Variants in BBS9 observed in about 807,000 individuals in gnomAD.
BBS9 encodes the protein Bardet-Biedl syndrome 9, also known as protein PTHB1.
A neutral mutation model predicts 117.7 loss-of-function variants in BBS9; 89 were observed. The observed-to-expected ratio is 0.76, with a 90% CI of 0.64 to 0.90. The LOEUF (loss-of-function observed/expected upper bound fraction) is 0.90. BBS9 is among the 40% of genes least tolerant of loss of function. BBS9 has a pLI of 0.00. For missense variants in BBS9, 982 were observed against 1,042.2 expected, an observed-to-expected ratio of 0.94 and a Z score of 0.80; for synonymous variants, 379 against 370.9, an observed-to-expected ratio of 1.02 and a Z score of -0.25.
At chr7:33,559,209 G>GAA (rs1855725078) in intron 21 of BBS9, among the ~76,000 whole-genome samples, 1 of 152,184 alleles carries the variant, frequency 6.6e-6, no homozygotes, top group Non-Finnish European at 1.5e-5. Context: ...TGTGCCCGTA[G>GAA]AAGACTAGGA....
chr7:33,542,040 A>G (rs1355511854), intron 21 of BBS9, among the ~76,000 whole-genome samples: 1 of 151,972 alleles, frequency 6.6e-6, no homozygotes, highest in Non-Finnish European at 1.5e-5. Context: ...ATTTATTTAT[A>G]TTTCTGTAAG....
At chr7:33,163,789 A>T (rs1438913139) in intron 4 of BBS9, among the ~76,000 whole-genome samples, 1 of 152,092 alleles carries the variant, frequency 6.6e-6, no homozygotes, top group Admixed American at 6.6e-5. Flanking sequence ...CAGCTCCTGG[A>T]TTCACTGATT....
At chr7:33,162,516 G>T (rs981727630) in intron 4 of BBS9, among the ~76,000 whole-genome samples, 5 of 147,184 alleles carry the variant, frequency 3.4e-5, no homozygotes, top group African/African-American at 7.3e-5. Context: ...TTGAGCAGTG[G>T]TTTGTAGTTC....
intron 19 of BBS9, among the ~76,000 whole-genome samples, chr7:33,481,983 A>T (rs1371031688): frequency 2.0e-5 from 3 of 152,330 alleles, no homozygotes; most frequent in Admixed American, 2.0e-4. Context: ...TAATGTCCAC[A>T]TCTTGAACTA....
At chr7:33,167,262 T>C (rs1227442539) in intron 4 of BBS9, among the ~76,000 whole-genome samples, 3 of 152,168 alleles carry the variant, frequency 2.0e-5, no homozygotes, top group Non-Finnish European at 2.9e-5. Context: ...TTCGTTCACA[T>C]TGTATATATA....
In BBS9 at chr7:33,507,983, G is replaced by C. The variant is rs1402612650; in HGVS notation, c.2298+2338G>C. Among the ~76,000 whole-genome samples the C allele has an allele frequency of 2.0e-5, 3 of 152,170 alleles. No homozygotes were observed. The East Asian group carries it at 5.8e-4, about 29-fold the overall frequency. On this transcript the variant is annotated intron_variant, in intron 20 of 22. Coordinates refer to ENST00000242067, the MANE Select transcript of BBS9 (RefSeq NM_198428.3). ...AATAAAAAATTTAAATTGTTAGTGT[G>C]AATTTTACCATTGGTCTTTGTAATG...
At chr7:33,485,175 A>T (rs1032710295) in intron 19 of BBS9, among the ~76,000 whole-genome samples, 25 of 152,172 alleles carry the variant, frequency 1.6e-4, no homozygotes, top group African/African-American at 5.6e-4. Flanking sequence ...ATCAGGAAGA[A>T]CAGCTAATGG....
At chr7:33,257,757 A>G (rs946969559) in intron 6 of BBS9, among the ~76,000 whole-genome samples, 1 of 152,218 alleles carries the variant, frequency 6.6e-6, no homozygotes, top group Admixed American at 6.5e-5. Context: ...AAAATGCTCA[A>G]TAATTATTGT....
At chr7:33,284,107 G>T (rs891803688) in intron 9 of BBS9, among the ~76,000 whole-genome samples, 8 of 152,124 alleles carry the variant, frequency 5.3e-5, no homozygotes, top group African/African-American at 1.7e-4. Flanking sequence ...TCCCATGCAT[G>T]TCCTTAAATC....
intron 21 of BBS9, among the ~76,000 whole-genome samples, chr7:33,587,310 G>T (rs553227890): frequency 6.6e-6 from 1 of 151,840 alleles, no homozygotes; most frequent in East Asian, 1.9e-4. Context: ...CCTTTTCTTT[G>T]TTCTGTAGTG....
At chr7:33,191,445 A>G (rs868190329) in intron 5 of BBS9, among the ~76,000 whole-genome samples, 1 of 152,160 alleles carries the variant, frequency 6.6e-6, no homozygotes, top group Non-Finnish European at 1.5e-5. Flanking sequence ...TGGGTGGCCA[A>G]AAAACTGTAA....
At chr7:33,441,451 C>T (rs908516415) in intron 19 of BBS9, among the ~76,000 whole-genome samples, 1 of 152,008 alleles carries the variant, frequency 6.6e-6, no homozygotes, top group Non-Finnish European at 1.5e-5. Flanking sequence ...TGTTTTAATT[C>T]ATCTATTCAT....
At chr7:33,273,309 T>A in intron 8 of BBS9, 114 bp downstream of exon 8, 1 of 1,091,070 alleles carries the variant, frequency 9.2e-7, no homozygotes, top group Non-Finnish European at 1.4e-6. Flanking sequence ...AGTTTAATAT[T>A]GAATATGTAA....
rs193075947 is a variant in BBS9, at chr7:33,156,206, T to C, written c.328+504T>C. Among the ~76,000 whole-genome samples the C allele has an allele frequency of 8.2e-4, 125 of 152,318 alleles. 2 individuals carry two copies. The highest frequency in any genetic ancestry group is 4.1e-4 in the Non-Finnish European group (28 of 68,032). Reference sequence around the variant, plus strand: ...TGACATGGTTCTGTGGGTACAAGTATAGTGTGCGGTTTGGTTTTTATTAAA... The same window carrying C: ...TGACATGGTTCTGTGGGTACAAGTACAGTGTGCGGTTTGGTTTTTATTAAA... On this transcript the variant is annotated intron_variant, in intron 4 of 22. Transcript: ENST00000242067.
At chr7:33,459,424 A>G (rs1839130505) in intron 19 of BBS9, among the ~76,000 whole-genome samples, 1 of 152,002 alleles carries the variant, frequency 6.6e-6, no homozygotes, top group Admixed American at 6.6e-5. Flanking sequence ...AACTTCCTAC[A>G]GAGGGCAGAG....
At chr7:33,436,764 G>A (rs1419926) in intron 19 of BBS9, among the ~76,000 whole-genome samples, 32,772 of 152,146 alleles carry the variant, frequency 0.22, 4,596 homozygotes, top group African/African-American at 0.4. Context: ...GCTGATTAAC[G>A]GAAGGGGACG....
chr7:33,225,724 A>T (rs1418882656), intron 5 of BBS9, among the ~76,000 whole-genome samples: 2 of 148,946 alleles, frequency 1.3e-5, no homozygotes, highest in Non-Finnish European at 1.5e-5. Flanking sequence ...TTTGTGGGAA[A>T]TGGCATTTGA....
intron 19 of BBS9, among the ~76,000 whole-genome samples, chr7:33,437,455 G>T (rs965828146): frequency 2.2e-4 from 34 of 152,140 alleles, no homozygotes; most frequent in Non-Finnish European, 4.6e-4. Flanking sequence ...TTCCAATTCT[G>T]AGGGGAAAAT....
At chr7:33,318,616 G>A (rs141420380) in intron 9 of BBS9, among the ~76,000 whole-genome samples, 1,899 of 151,998 alleles carry the variant, frequency 0.012, 43 homozygotes, top group African/African-American at 0.044. Context: ...TTTGGGGAAC[G>A]GCGGTATTTG....
Sources: gnomAD v4.1 joint callset for allele counts (sites outside exome capture counted in the v4.1 genomes callset) on GRCh38, gnomAD v4.1.1 for gene constraint, MANE v1.5 for transcripts, NCBI Gene and HGNC (gene_info 2026-07-23, HGNC 2026-07-21) for gene names.